The following ADAM23 variants were observed in gnomAD, a reference collection of about 807,000 sequenced individuals.
ADAM23 encodes the protein ADAM metallopeptidase domain 23, also known as disintegrin and metalloproteinase domain-containing protein 23.
ADAM23 carries 33 observed loss-of-function variants against 120.1 expected under a neutral mutation model. The observed-to-expected ratio is 0.27, with a 90% confidence interval of 0.21 to 0.37. ADAM23 has a LOEUF of 0.37. Among genes scored for constraint, ADAM23 ranks in the 10% least tolerant of loss-of-function variants. The probability of loss-of-function intolerance (pLI) is 1.00; values close to 1 mark genes in which losing one functional copy is unlikely to be tolerated. For missense variants in ADAM23, 862 were observed against 1,058.2 expected (o/e 0.81, Z 2.57); for synonymous variants, 367 against 375.2 (o/e 0.98, Z 0.25).
chr2:206,617,865 A>G lies in ADAM23; in HGVS notation c.*238A>G, dbSNP rs1422465667. On this transcript the variant is annotated 3_prime_UTR_variant, in exon 26 of 26. Coordinates refer to ENST00000264377, the MANE Select transcript of ADAM23 (RefSeq NM_003812.4). ...GGGGGAGGGGGCAAAAGACCATGCT[A>G]TAAAAAGAACTGTTCCAGAATCTTT... 3 of 742,502 alleles carry G rather than the reference A, an allele frequency of 4.0e-6. No homozygotes were observed. In the African/African-American group the frequency reaches 5.4e-5, roughly 13 times the overall value. The allele number at this position is 742,502 out of a possible 1,614,324, so 46.0% of individuals were successfully genotyped here.
chr2:206,453,412 T>G (rs922720148), intron 2 of ADAM23, among the ~76,000 whole-genome samples: 1 of 152,242 alleles, frequency 6.6e-6, no homozygotes, highest in South Asian at 2.1e-4. Context: ...TGAAAATATT[T>G]TATTCCTTTC....
intron 3 of ADAM23, among the ~76,000 whole-genome samples, chr2:206,513,086 C>T (rs541805400): frequency 3.9e-5 from 6 of 152,182 alleles, no homozygotes; most frequent in African/African-American, 1.4e-4. Context: ...TTCCATGAAA[C>T]ACAACAATTT....
chr2:206,462,424 CT>C (rs1466247348), intron 2 of ADAM23, among the ~76,000 whole-genome samples: 1 of 152,214 alleles, frequency 6.6e-6, no homozygotes, highest in Non-Finnish European at 1.5e-5. Flanking sequence ...TAAGTACTAT[CT>C]TTTGTCTGCC....
At chr2:206,600,281 C>T (rs952377595) in intron 24 of ADAM23, among the ~76,000 whole-genome samples, 3 of 152,178 alleles carry the variant, frequency 2.0e-5, no homozygotes, top group Admixed American at 2.0e-4. Flanking sequence ...CCTGATTGAG[C>T]ACAGTGTTTG....
Position 206,620,910 on chromosome 2 carries a change from C to T in ADAM23, c.*3283C>T, listed in dbSNP as rs6732042. 456 of 152,228 alleles carry T rather than the reference C, an allele frequency of 3.0e-3. 2 individuals carry two copies. Among genetic ancestry groups the T allele is most frequent in the African/African-American group, 0.01 (422 of 41,540 alleles). 9.4% of individuals were successfully genotyped at this position (152,228 alleles called of 1,614,324 possible). On this transcript the variant is annotated 3_prime_UTR_variant, in exon 26 of 26. Coordinates refer to ENST00000264377, the MANE Select transcript of ADAM23 (RefSeq NM_003812.4). ...AGAACTTTACAAACAATACTTGAAC[C>T]CTTTCTTTAAAGTTATCCCATCATG...
At chr2:206,524,926 A>C (rs768808952) in intron 3 of ADAM23, among the ~76,000 whole-genome samples, 7 of 152,180 alleles carry the variant, frequency 4.6e-5, no homozygotes, top group Non-Finnish European at 1.0e-4. Context: ...GCTTACTAGA[A>C]TCTCAGCTTT....
chr2:206,604,462 T>A (rs1698695832), intron 24 of ADAM23, among the ~76,000 whole-genome samples: 1 of 152,078 alleles, frequency 6.6e-6, no homozygotes, highest in Non-Finnish European at 1.5e-5. Context: ...ATTGTCATAG[T>A]GGGGAAACAT....
At chr2:206,515,281 C>T (rs1272283939) in intron 3 of ADAM23, among the ~76,000 whole-genome samples, 2 of 152,132 alleles carry the variant, frequency 1.3e-5, no homozygotes, top group Non-Finnish European at 2.9e-5. Flanking sequence ...TTTCCAGCCA[C>T]GGCAGTTTTG....
At position 206,605,928 on chromosome 2, in the gene ADAM23, T is replaced by G. The variant is rs184465420; in HGVS notation, c.2360-3982T>G. 585 of 619,418 alleles carry G rather than the reference T, an allele frequency of 9.4e-4. No homozygotes were observed. In the African/African-American group the frequency reaches 9.6e-3, roughly 10 times the overall value. 38.4% of individuals were successfully genotyped at this position (619,418 alleles called of 1,614,324 possible). On this transcript the variant is annotated intron_variant, in intron 24 of 25. Transcript: ENST00000264377. ...GAGTGTTTCTGTGTGGTGCCTGATG[T>G]GTGAGGCGATGCCTGTACCTGACTC...
intron 22 of ADAM23, among the ~76,000 whole-genome samples, chr2:206,593,167 A>G (rs1340563574): frequency 1.3e-5 from 2 of 152,218 alleles, no homozygotes; most frequent in Non-Finnish European, 2.9e-5. Context: ...ACCTAATCAT[A>G]TATAGAAAAT....
At chr2:206,489,986 C>A (rs368248301) in intron 3 of ADAM23, among the ~76,000 whole-genome samples, 2 of 152,162 alleles carry the variant, frequency 1.3e-5, no homozygotes. Flanking sequence ...TGCATTCGTA[C>A]GTTGAAGTTC....
chr2:206,533,578 C>T (rs754189366), intron 4 of ADAM23, among the ~76,000 whole-genome samples: 12 of 152,134 alleles, frequency 7.9e-5, no homozygotes, highest in East Asian at 1.9e-4. Flanking sequence ...ATATTTTCCA[C>T]GTAACTAAAG....
At chr2:206,512,083 A>G (rs768824302) in intron 3 of ADAM23, among the ~76,000 whole-genome samples, 4 of 152,226 alleles carry the variant, frequency 2.6e-5, no homozygotes, top group Admixed American at 1.3e-4. Context: ...GGTAATTTCA[A>G]TGACATATGT....
intron 2 of ADAM23, among the ~76,000 whole-genome samples, chr2:206,480,747 G>T (rs1695879486): frequency 6.6e-6 from 1 of 152,062 alleles, no homozygotes; most frequent in African/African-American, 2.4e-5. Context: ...GAAGTTACAA[G>T]GTTGTACTCT....
chr2:206,526,415 A>G (rs1696949428), intron 3 of ADAM23, among the ~76,000 whole-genome samples: 1 of 152,180 alleles, frequency 6.6e-6, no homozygotes, highest in Non-Finnish European at 1.5e-5. Flanking sequence ...AGCACTGTAA[A>G]ATGTTATCTC....
intron 16 of ADAM23, 30 bp downstream of exon 16, chr2:206,570,841 G>T: frequency 6.3e-7 from 1 of 1,583,970 alleles, no homozygotes; most frequent in Non-Finnish European, 8.7e-7. Context: ...TATACTTACA[G>T]CACAGATCTT....
In ADAM23 at chr2:206,594,856, T is replaced by G. The variant is rs1483656937; in HGVS notation, c.2198T>G (p.Met733Arg). ...TGCCTACAAATTCAAGCCCTAAATATGAGCAGCTGTCCACTCGATTCCAAG... is the reference window on the plus strand; with the variant it reads ...TGCCTACAAATTCAAGCCCTAAATAGGAGCAGCTGTCCACTCGATTCCAAG... ...RKCLQIQALNMSSCPLDSKGK... is the reference protein window; with the variant it reads ...RKCLQIQALNRSSCPLDSKGK... Residue 733 changes from methionine to arginine, a missense_variant, in exon 23 of 26, where the codon ATG (methionine) becomes AGG (arginine). Transcript: ENST00000264377. 6.2e-7 allele frequency: 1 copy of G among 1,614,012 alleles called. No homozygotes were observed. Among genetic ancestry groups the G allele is most frequent in the Non-Finnish European group, 8.5e-7 (1 of 1,180,008 alleles).
At chr2:206,494,398 A>G (rs1027262246) in intron 3 of ADAM23, among the ~76,000 whole-genome samples, 3 of 152,210 alleles carry the variant, frequency 2.0e-5, no homozygotes, top group African/African-American at 7.2e-5. Context: ...GGGTTTCTTT[A>G]TATGATTGCT....
intron 24 of ADAM23, chr2:206,607,808 T>A (rs1412071792): frequency 3.8e-6 from 1 of 262,880 alleles, no homozygotes; most frequent in African/African-American, 2.3e-5. Context: ...TGTAGTACAA[T>A]ATAGATTGTC....
Sources: allele counts gnomAD v4.1 joint callset (sites outside exome capture counted in the v4.1 genomes callset), GRCh38; gene constraint gnomAD v4.1.1; transcripts MANE v1.5; gene names NCBI Gene and HGNC (gene_info 2026-07-23, HGNC 2026-07-21).